The following CACNA1C variants were observed in gnomAD, a reference collection of about 807,000 sequenced individuals.
CACNA1C encodes the protein calcium voltage-gated channel subunit alpha1 C, also known as voltage-dependent L-type calcium channel subunit alpha-1C.
In CACNA1C, 30 loss-of-function variants were observed where a neutral mutation model predicts 229.0. The observed-to-expected ratio is 0.13, with a 90% CI of 0.10 to 0.18. CACNA1C has a LOEUF of 0.18. Ranked by LOEUF, CACNA1C falls within the 10% of genes least tolerant of loss-of-function variation. The probability of loss-of-function intolerance (pLI) is 1.00; values close to 1 mark genes in which losing one functional copy is unlikely to be tolerated. For missense variants in CACNA1C, 1,658 were observed against 2,845.0 expected (o/e 0.58, Z 9.49); for synonymous variants, 1,114 against 1,132.5 (o/e 0.98, Z 0.33).
chr12:2,440,225 C>T (rs1048129040), intron 3 of CACNA1C, among the ~76,000 whole-genome samples: 22 of 152,236 alleles, frequency 1.4e-4, no homozygotes, highest in Admixed American at 3.9e-4. Flanking sequence ...CCACCATTTC[C>T]GAAGTTTTTC....
At position 2,073,488 on chromosome 12, in the gene CACNA1C, C is replaced by G. The variant is rs1376623784; in HGVS notation, c.49+19877C>G. 2.6e-5 allele frequency among the ~76,000 whole-genome samples: 4 copies of G among 152,102 alleles called. No individual in the cohort carries two copies. The South Asian group carries it at 8.3e-4, about 32-fold the overall frequency. On this transcript the variant is annotated intron_variant, in intron 1 of 46. Transcript: ENST00000399655. ...CCTGGCAATGCAGTGCTGGCTGTGTCTTGGAGGAGCTGGGCTGGCCCTCCA... is the reference window on the plus strand; with the variant it reads ...CCTGGCAATGCAGTGCTGGCTGTGTGTTGGAGGAGCTGGGCTGGCCCTCCA...
At chr12:2,283,078 C>A (rs1409986207) in intron 3 of CACNA1C, among the ~76,000 whole-genome samples, 1 of 149,758 alleles carries the variant, frequency 6.7e-6, no homozygotes, top group Non-Finnish European at 1.5e-5. Context: ...CATAGTACTT[C>A]TTGAATTTAA....
intron 3 of CACNA1C, among the ~76,000 whole-genome samples, chr12:2,194,303 C>T (rs1380824596): frequency 6.6e-6 from 1 of 151,240 alleles, no homozygotes; most frequent in Non-Finnish European, 1.5e-5. Context: ...CCTCCTACAC[C>T]TCCTCTGCCT....
intron 20 of CACNA1C, among the ~76,000 whole-genome samples, chr12:2,596,630 G>C (rs1362861969): frequency 6.6e-6 from 1 of 152,162 alleles, no homozygotes; most frequent in African/African-American, 2.4e-5. Context: ...TCTTACCGAG[G>C]TTAGCAGGTG....
At chr12:2,438,378 T>G (rs2099175877) in intron 3 of CACNA1C, among the ~76,000 whole-genome samples, 1 of 145,074 alleles carries the variant, frequency 6.9e-6, no homozygotes, top group Non-Finnish European at 1.5e-5. Context: ...GTGGTGGTGA[T>G]GGTGGTCATG....
chr12:2,319,421 C>T lies in CACNA1C; in HGVS notation c.478-129555C>T, dbSNP rs562087015. On this transcript the variant is annotated intron_variant, in intron 3 of 46. Coordinates refer to ENST00000399655, the MANE Select transcript of CACNA1C (RefSeq NM_000719.7). The surrounding 1 kb of genome is among the most constrained non-coding windows in gnomAD (Gnocchi z 4.0). The stretch of plus-strand genomic sequence containing the variant: ...CAGCGTACATGATGGCCAGTGTACA[C>T]GATGAGCAGCCACCATGCATCAGGA... Among the ~76,000 whole-genome samples the T allele has an allele frequency of 1.2e-4, 19 of 152,130 alleles. No individual in the cohort carries two copies. In the East Asian group the frequency reaches 2.9e-3, roughly 23 times the overall value.
At position 2,147,917 on chromosome 12, in the gene CACNA1C, A is replaced by C. The variant is rs2094873696; in HGVS notation, c.477+27487A>C. ...GTTGTGCAGAATCCCATTGGAAAGC[A>C]ATATGCCATCAGTACATCTGGTAAC... On this transcript the variant is annotated intron_variant, in intron 3 of 46. Transcript: ENST00000399655. Among the ~76,000 whole-genome samples the C allele has an allele frequency of 2.6e-5, 4 of 151,346 alleles. No individual in the cohort carries two copies. The South Asian group carries it at 8.4e-4, about 32-fold the overall frequency.
At chr12:2,191,621 TGCACTCACAG>T (rs2097217011) in intron 3 of CACNA1C, among the ~76,000 whole-genome samples, 1 of 150,100 alleles carries the variant, frequency 6.7e-6, no homozygotes, top group Non-Finnish European at 1.5e-5. Context: ...CAGGCACACA[TGCACTCACAG>T]GCACACATGT....
At position 2,407,824 on chromosome 12, in the gene CACNA1C, A is replaced by C. The variant is rs962211185; in HGVS notation, c.478-41152A>C. ...TGATGTCGAGCATCTTTTCATGTGCATATTGGCCATTTGTAGATCTTTAGA... is the reference window on the plus strand; with the variant it reads ...TGATGTCGAGCATCTTTTCATGTGCCTATTGGCCATTTGTAGATCTTTAGA... On this transcript the variant is annotated intron_variant, in intron 3 of 46. Coordinates refer to ENST00000399655, the MANE Select transcript of CACNA1C (RefSeq NM_000719.7). 2.0e-5 allele frequency among the ~76,000 whole-genome samples: 3 copies of C among 152,364 alleles called. No homozygotes were observed. In the South Asian group the frequency reaches 6.2e-4, roughly 32 times the overall value.
intron 13 of CACNA1C, among the ~76,000 whole-genome samples, chr12:2,576,731 C>T (rs74968248): frequency 0.081 from 9,720 of 119,750 alleles, 348 homozygotes; most frequent in African/African-American, 0.1. Flanking sequence ...CCTGCAGGAC[C>T]GCCAGCTGTT....
At chr12:2,022,562 G>C (rs969020908) in intron 1 of CACNA1C, among the ~76,000 whole-genome samples, 4 of 151,194 alleles carry the variant, frequency 2.6e-5, no homozygotes, top group African/African-American at 9.7e-5. Flanking sequence ...TCCTGCCTCA[G>C]CCTCCTGAGT....
chr12:2,046,890 A>T (rs184667534), intron 1 of CACNA1C, among the ~76,000 whole-genome samples: 3 of 152,106 alleles, frequency 2.0e-5, no homozygotes, highest in Non-Finnish European at 2.9e-5. Flanking sequence ...GGAAGGGAGA[A>T]CTCTGCCAGC....
chr12:2,434,535 C>G (rs559658207), intron 3 of CACNA1C, among the ~76,000 whole-genome samples: 1 of 152,194 alleles, frequency 6.6e-6, no homozygotes, highest in Admixed American at 6.5e-5. Context: ...CTCCTTCCAG[C>G]GCCGTGGACG....
intron 3 of CACNA1C, among the ~76,000 whole-genome samples, chr12:2,355,347 A>G (rs896555446): frequency 6.6e-6 from 1 of 150,886 alleles, no homozygotes; most frequent in Non-Finnish European, 1.5e-5. Flanking sequence ...CCCATCCCCC[A>G]TCCAGGACCT....
chr12:2,545,476 C>G (rs2099879459), intron 9 of CACNA1C, among the ~76,000 whole-genome samples: 1 of 152,086 alleles, frequency 6.6e-6, no homozygotes, highest in Non-Finnish European at 1.5e-5. Context: ...ACCACTGTGC[C>G]GTACGTTCGT....
chr12:2,402,870 G>A (rs987044389), intron 3 of CACNA1C, among the ~76,000 whole-genome samples: 10 of 152,178 alleles, frequency 6.6e-5, no homozygotes, highest in African/African-American at 2.4e-4. Flanking sequence ...TATGATTTAA[G>A]CCATATCAAT....
At chr12:2,109,065 C>T (rs2080473607) in intron 1 of CACNA1C, among the ~76,000 whole-genome samples, 1 of 152,336 alleles carries the variant, frequency 6.6e-6, no homozygotes, top group South Asian at 2.1e-4. Flanking sequence ...TAGGTGTGAG[C>T]TGCGGCTGCT....
At chr12:2,124,716 T>G (rs1362116586) in intron 3 of CACNA1C, among the ~76,000 whole-genome samples, 1 of 151,898 alleles carries the variant, frequency 6.6e-6, no homozygotes. Context: ...GGGTAACCAG[T>G]TGGATATCAT....
chr12:2,165,331 C>T (rs2096156391), intron 3 of CACNA1C, among the ~76,000 whole-genome samples: 1 of 152,220 alleles, frequency 6.6e-6, no homozygotes, highest in African/African-American at 2.4e-5. Flanking sequence ...GAGAGATTTT[C>T]CAGATTGTCC....
Sources: allele counts gnomAD v4.1 joint callset (sites outside exome capture counted in the v4.1 genomes callset), GRCh38; gene constraint gnomAD v4.1.1; non-coding constraint Gnocchi (gnomAD v3.1); transcripts MANE v1.5; gene names NCBI Gene and HGNC (gene_info 2026-07-23, HGNC 2026-07-21).